FREM2: variants seen among roughly 807,000 people sequenced by gnomAD.
FREM2 encodes FRAS1-related extracellular matrix protein 2.
Under a neutral mutation model 219.9 loss-of-function variants are expected in FREM2, and 119 were observed. That is an observed-to-expected ratio of 0.54 (90% CI 0.47 to 0.63). FREM2 has a LOEUF of 0.63. FREM2 is among the 30% of genes least tolerant of loss of function. FREM2 has a pLI of 0.00. For missense variants in FREM2, 4,030 were observed against 3,993.6 expected (o/e 1.01, Z -0.25); for synonymous variants, 1,562 against 1,522.8 (o/e 1.03, Z -0.60).
chr13:38,859,798 C>T (rs920849325), intron 14 of FREM2, among the ~76,000 whole-genome samples: 1 of 151,950 alleles, frequency 6.6e-6, no homozygotes, highest in African/African-American at 2.4e-5. Context: ...ATATGCCAGA[C>T]ACAATGCTTT....
At chr13:38,779,225 C>T (rs184355068) in intron 4 of FREM2, among the ~76,000 whole-genome samples, 115 of 147,202 alleles carry the variant, frequency 7.8e-4, no homozygotes, top group African/African-American at 2.3e-3. Context: ...TGGGGCTTGT[C>T]GGGGGGTGGA....
rs1338845809 is a variant in FREM2, at chr13:38,783,152, A to T, written c.5724A>T (p.Gly1908=). 1 of 1,614,068 alleles carries T rather than the reference A, an allele frequency of 6.2e-7. No individual in the cohort carries two copies. The highest frequency in any genetic ancestry group is 1.1e-5 in the South Asian group (1 of 91,080). The change falls in exon 5 of 24, where the codon GGA becomes GGT. Residue 1908 remains glycine (G), a synonymous_variant. Transcript: ENST00000280481. The part of the protein sequence containing the change: ...GELFIPIRRS[G]DVSQELMVVC... ...TGTTCATTCCCATCAGGAGGAGCGG[A>T]GATGTGAGCCAGGAGTTGATGGTGG... is the stretch of plus-strand genomic sequence containing the variant.
intron 6 of FREM2, among the ~76,000 whole-genome samples, chr13:38,794,324 G>T (rs190741703): frequency 3.7e-4 from 57 of 152,234 alleles, no homozygotes; most frequent in African/African-American, 1.3e-3. Context: ...AAGAATCTAA[G>T]AACCAAACAC....
chr13:38,885,795 C>A lies in FREM2; in HGVS notation c.*5008C>A, dbSNP rs993110626. ...GATTTTTCTCTCAATGGAGGTTCAA[C>A]ATTGACATTTAAGATGTAAAAAAAA... is the stretch of plus-strand genomic sequence containing the variant. On this transcript the variant is annotated 3_prime_UTR_variant, in exon 24 of 24. Coordinates refer to ENST00000280481, the MANE Select transcript of FREM2 (RefSeq NM_207361.6). The A allele has an allele frequency of 2.0e-5, 3 of 152,072 alleles. No individual in the cohort carries two copies. The highest frequency in any genetic ancestry group is 7.2e-5 in the African/African-American group (3 of 41,424). The allele number at this position is 152,072 out of a possible 1,614,324, so 9.4% of individuals were successfully genotyped here.
intron 9 of FREM2, among the ~76,000 whole-genome samples, 153 bp downstream of exon 9, chr13:38,850,388 C>T (rs1877327450): frequency 6.6e-6 from 1 of 152,176 alleles, no homozygotes; most frequent in East Asian, 1.9e-4. Context: ...CGATTTTTAA[C>T]AGGTTGAATG....
intron 10 of FREM2, 120 bp downstream of exon 10, chr13:38,851,228 A>T: frequency 1.1e-6 from 1 of 929,346 alleles, no homozygotes; most frequent in Non-Finnish European, 1.7e-6. Context: ...TAGGGTTTTT[A>T]AGCAATTGAG....
At chr13:38,801,920 G>A (rs1363185657) in intron 6 of FREM2, among the ~76,000 whole-genome samples, 1 of 152,202 alleles carries the variant, frequency 6.6e-6, no homozygotes, top group South Asian at 2.1e-4. Context: ...CAAGAGGTCT[G>A]TTGTGGTGGC....
chr13:38,707,245 A>G (rs910416372), intron 2 of FREM2, among the ~76,000 whole-genome samples: 3 of 152,232 alleles, frequency 2.0e-5, no homozygotes, highest in African/African-American at 7.2e-5. Context: ...AGTTTCTAGA[A>G]TGAATTATTC....
chr13:38,750,415 A>G (rs138507973), intron 2 of FREM2, among the ~76,000 whole-genome samples: 1 of 151,730 alleles, frequency 6.6e-6, no homozygotes, highest in African/African-American at 2.4e-5. Flanking sequence ...TACTTAGTAT[A>G]ACGACTTCCA....
chr13:38,859,621 A>G (rs369267688), intron 14 of FREM2, 31 bp downstream of exon 14: 20 of 1,577,440 alleles, frequency 1.3e-5, no homozygotes, highest in Non-Finnish European at 1.6e-5. Flanking sequence ...CCTGAAGATC[A>G]CTGGAATACT....
At chr13:38,872,543 A>T (rs777061957) in intron 16 of FREM2, among the ~76,000 whole-genome samples, 199 bp from the exon 17 acceptor site, 1 of 152,218 alleles carries the variant, frequency 6.6e-6, no homozygotes, top group Admixed American at 6.5e-5. Flanking sequence ...TTTGTTGCCA[A>T]TGAAGGTAAT....
intron 15 of FREM2, among the ~76,000 whole-genome samples, chr13:38,863,021 T>A (rs949894401): frequency 3.3e-5 from 5 of 152,176 alleles, no homozygotes; most frequent in African/African-American, 1.2e-4. Flanking sequence ...CCTTAGCCTG[T>A]ACTTTTTAAT....
chr13:38,757,428 C>G (rs1392217072), intron 2 of FREM2, among the ~76,000 whole-genome samples: 1 of 152,058 alleles, frequency 6.6e-6, no homozygotes, highest in Admixed American at 6.5e-5. Flanking sequence ...GTGACAATTA[C>G]TAAGATATCA....
At chr13:38,852,261 A>G (rs1877399229) in intron 11 of FREM2, among the ~76,000 whole-genome samples, 1 of 152,192 alleles carries the variant, frequency 6.6e-6, no homozygotes, top group African/African-American at 2.4e-5. Context: ...GAGCTGTTTC[A>G]ATTAAAATAT....
intron 2 of FREM2, among the ~76,000 whole-genome samples, chr13:38,712,350 A>G (rs1422624529): frequency 6.6e-6 from 1 of 152,202 alleles, no homozygotes; most frequent in African/African-American, 2.4e-5. Context: ...ACCAAGCCCA[A>G]GTTTCCTTAA....
chr13:38,836,596 C>T (rs1411989168), intron 6 of FREM2, among the ~76,000 whole-genome samples: 1 of 152,132 alleles, frequency 6.6e-6, no homozygotes, highest in Non-Finnish European at 1.5e-5. Context: ...GGTTTGTAGG[C>T]TATTAATTAC....
rs1945506 is a variant in FREM2, at chr13:38,886,385, T to C, written c.*5598T>C. On this transcript the variant is annotated 3_prime_UTR_variant, in exon 24 of 24. Transcript: ENST00000280481. ...ACATATATGTACATACATATATATATAGAGAGAGAGAGATAGATTTTTTTT... is the reference window on the plus strand; with the variant it reads ...ACATATATGTACATACATATATATACAGAGAGAGAGAGATAGATTTTTTTT... The C allele has an allele frequency of 6.7e-6, 1 of 149,972 alleles. No homozygotes were observed. The highest frequency in any genetic ancestry group is 2.4e-5 in the African/African-American group (1 of 40,870). The allele number at this position is 149,972 out of a possible 1,614,324, so 9.3% of individuals were successfully genotyped here.
chr13:38,771,836 A>T (rs557794120), intron 4 of FREM2, among the ~76,000 whole-genome samples: 3 of 152,300 alleles, frequency 2.0e-5, no homozygotes, highest in African/African-American at 7.2e-5. Flanking sequence ...GCTTTTAATA[A>T]AATTTAGTTT....
intron 2 of FREM2, among the ~76,000 whole-genome samples, chr13:38,753,295 C>T (rs1872853539): frequency 6.6e-6 from 1 of 152,042 alleles, no homozygotes; most frequent in Non-Finnish European, 1.5e-5. Flanking sequence ...TAATTTTAAA[C>T]ACATTTTAAA....
Sources: gnomAD v4.1 joint callset for allele counts (sites outside exome capture counted in the v4.1 genomes callset) on GRCh38, gnomAD v4.1.1 for gene constraint, MANE v1.5 for transcripts, NCBI Gene and HGNC (gene_info 2026-07-23, HGNC 2026-07-21) for gene names.